The following PATL1 variants were observed in gnomAD, a reference collection of about 807,000 sequenced individuals.
PATL1 encodes the protein PAT1 homolog 1, processing body mRNA decay factor.
A neutral mutation model predicts 100.6 loss-of-function variants in PATL1; 32 were observed. That is an observed-to-expected ratio of 0.32 (90% CI 0.24 to 0.43). The LOEUF (loss-of-function observed/expected upper bound fraction) is 0.43, where lower values mean the gene tolerates loss of function less well. Ranked by LOEUF, PATL1 falls within the 20% of genes least tolerant of loss-of-function variation. PATL1 has a pLI of 1.00. For synonymous variants in PATL1, 332 were observed against 330.0 expected (o/e 1.01, Z -0.07); for missense variants, 747 against 949.9 (o/e 0.79, Z 2.81).
chr11:59,648,132 A>G (rs985718578), intron 14 of PATL1, among the ~76,000 whole-genome samples: 5 of 151,688 alleles, frequency 3.3e-5, no homozygotes, highest in African/African-American at 1.2e-4. Context: ...CACAAATTAT[A>G]TGGTTAAAAA....
At chr11:59,654,676 G>A (rs1479208837) in intron 8 of PATL1, among the ~76,000 whole-genome samples, 2 of 152,012 alleles carry the variant, frequency 1.3e-5, no homozygotes, top group African/African-American at 2.4e-5. Flanking sequence ...CTCTAAGTAG[G>A]TTTAACGTAC....
intron 4 of PATL1, 125 bp downstream of exon 4, chr11:59,658,741 G>C: frequency 1.5e-6 from 1 of 679,748 alleles, no homozygotes; most frequent in Non-Finnish European, 2.5e-6. Context: ...AGTGCTGGAT[G>C]CAGTAGTCGA....
chr11:59,658,813 A>G, intron 4 of PATL1, 53 bp downstream of exon 4: 1 of 1,386,396 alleles, frequency 7.2e-7, no homozygotes, highest in Non-Finnish European at 9.9e-7. Context: ...GACGACAGGA[A>G]CTTAAAATTT....
In PATL1 at chr11:59,638,071, T is replaced by C. The variant is rs552818310; in HGVS notation, c.*319A>G. 2.8e-6 allele frequency: 1 copy of C among 360,828 alleles called. No homozygotes were observed. Among genetic ancestry groups the C allele is most frequent in the South Asian group, 3.9e-5 (1 of 25,940 alleles). The allele number at this position is 360,828 out of a possible 1,614,324, so 22.4% of individuals were successfully genotyped here. ...TACAATCTACTCTGAGGTGGAGTAGTGGAGGGATAAAGGGAGAGATTACAC... is the reference window on the plus strand; with the variant it reads ...TACAATCTACTCTGAGGTGGAGTAGCGGAGGGATAAAGGGAGAGATTACAC... On this transcript the variant is annotated 3_prime_UTR_variant, in exon 19 of 19. Coordinates refer to ENST00000300146, the MANE Select transcript of PATL1 (RefSeq NM_152716.3).
chr11:59,659,215 G>A, intron 3 of PATL1, 37 bp downstream of exon 3: 1 of 1,518,656 alleles, frequency 6.6e-7, no homozygotes, highest in Non-Finnish European at 8.9e-7. Flanking sequence ...TTAATTTTTA[G>A]TCTGCTATAG....
At chr11:59,643,159 T>TGTC (rs1554983783) in intron 15 of PATL1, 124 bp from the exon 16 acceptor site, 33 of 1,008,452 alleles carry the variant, frequency 3.3e-5, no homozygotes, top group Non-Finnish European at 7.2e-6. Flanking sequence ...GTCTGGCAGA[T>TGTC]ATGACTAGAG....
chr11:59,652,964 A>G lies in PATL1; in HGVS notation c.1176T>C (p.His392=). The change falls in exon 10 of 19, where the codon CAT becomes CAC. Residue 392 remains histidine (H), a synonymous_variant. Coordinates refer to ENST00000300146, the MANE Select transcript of PATL1 (RefSeq NM_152716.3). ...AGDRGSHRSS[H]QDHLRKDPYA... is the part of the protein sequence containing the mutation. ...ATGGATCCTTTCGGAGATGATCTTG[A>G]TGACTGCTCCGGTGACTTCCTCTAT... 6.2e-7 allele frequency: 1 copy of G among 1,613,970 alleles called. No homozygotes were observed. Among genetic ancestry groups the G allele is most frequent in the Non-Finnish European group, 8.5e-7 (1 of 1,179,882 alleles).
At chr11:59,641,677 C>T (rs35285007) in intron 16 of PATL1, among the ~76,000 whole-genome samples, 2,163 of 151,952 alleles carry the variant, frequency 0.014, 21 homozygotes, top group Non-Finnish European at 0.025. Flanking sequence ...GGCTTGAGCC[C>T]AGGAGGCAGA....
At chr11:59,666,749 T>C in intron 2 of PATL1, 104 bp downstream of exon 2, 4 of 1,201,088 alleles carry the variant, frequency 3.3e-6, no homozygotes, top group South Asian at 1.6e-5. Context: ...TCTTGCCAAG[T>C]TAGTGAATAA....
chr11:59,647,808 G>A lies in PATL1; in HGVS notation c.1839C>T (p.Leu613=), dbSNP rs764012388. 9 of 1,613,970 alleles carry A rather than the reference G, an allele frequency of 5.6e-6. No homozygotes were observed. The highest frequency in any genetic ancestry group is 3.3e-5 in the Admixed American group (2 of 60,024). The change falls in exon 15 of 19, where the codon CTC becomes CTT. Residue 613 remains leucine (L), a synonymous_variant. Transcript: ENST00000300146. ...FLSTEQAADI[L]MTTARNLPFL... ...AAGGGAGGTTCCTGGCTGTTGTCAT[G>A]AGAATGTCAGCTGCTTGCTCTGTGG...
At chr11:59,662,453 T>C (rs1185560849) in intron 2 of PATL1, among the ~76,000 whole-genome samples, 9 of 152,152 alleles carry the variant, frequency 5.9e-5, no homozygotes, top group Admixed American at 5.9e-4. Flanking sequence ...GATAAGCCTA[T>C]CCTGATGTGC....
chr11:59,643,002 G>A lies in PATL1; in HGVS notation c.1927C>T (p.Leu643Phe). The change falls in exon 16 of 19, where the codon CTT (leucine) becomes TTT (phenylalanine). Residue 643 changes from leucine to phenylalanine, a missense_variant. This residue lies in a region of PATL1 where 434 missense variants were observed against 596.1 expected (regional missense o/e 0.73). Transcript: ENST00000300146. ...LPCLLSPFSL[L>F]LYHLPSVSIT... is the part of the protein sequence containing the mutation. ...CTCACTGATGGAAGATGATAGAGAAGGAGAGAGAAGGGACTCAGTAAGCAT... is the reference window on the plus strand; with the variant it reads ...CTCACTGATGGAAGATGATAGAGAAAGAGAGAGAAGGGACTCAGTAAGCAT... 1 of 1,613,954 alleles carries A rather than the reference G, an allele frequency of 6.2e-7. No individual in the cohort carries two copies.
intron 2 of PATL1, among the ~76,000 whole-genome samples, chr11:59,659,939 C>T (rs890852236): frequency 6.6e-6 from 1 of 152,128 alleles, no homozygotes; most frequent in Admixed American, 6.5e-5. Flanking sequence ...CTAAGGGACA[C>T]GTAAAGCATG....
chr11:59,657,823 CTTTT>C lies in PATL1; in HGVS notation c.427-103_427-100del, dbSNP rs1030532572. On this transcript the variant is annotated intron_variant, in intron 4 of 18. Coordinates refer to ENST00000300146, the MANE Select transcript of PATL1 (RefSeq NM_152716.3). ...AAAATACCTTAAGAAATTTTTTTAA[CTTTT>C]TATTTATTTTTAATTCACATATAGT... 8 of 934,116 alleles carry C rather than the reference CTTTT, an allele frequency of 8.6e-6. No individual in the cohort carries two copies. In the African/African-American group the frequency reaches 1.4e-4, roughly 16 times the overall value. The allele number at this position is 934,116 out of a possible 1,614,324, so 57.9% of individuals were successfully genotyped here.
chr11:59,657,051 G>T, intron 5 of PATL1: 6 of 976,920 alleles, frequency 6.1e-6, no homozygotes, highest in Non-Finnish European at 6.1e-6. Flanking sequence ...GCCTAACTAG[G>T]CCATACCAAC....
chr11:59,666,050 G>C (rs553969452), intron 2 of PATL1, among the ~76,000 whole-genome samples: 16 of 152,236 alleles, frequency 1.1e-4, no homozygotes, highest in African/African-American at 3.6e-4. Context: ...CACTTTGGGA[G>C]GCCGAGATGG....
chr11:59,658,601 G>A (rs1326844370), intron 4 of PATL1, among the ~76,000 whole-genome samples: 1 of 152,170 alleles, frequency 6.6e-6, no homozygotes, highest in East Asian at 1.9e-4. Context: ...GGGATTACAC[G>A]CGTGAGCCAC....
intron 16 of PATL1, 41 bp from the exon 17 acceptor site, chr11:59,639,424 C>G (rs1861243004): frequency 1.4e-6 from 2 of 1,444,102 alleles, no homozygotes; most frequent in Non-Finnish European, 1.9e-6. Flanking sequence ...AACACTGTGT[C>G]TAAACCTCCT....
intron 18 of PATL1, 124 bp downstream of exon 18, chr11:59,638,923 TC>T: frequency 9.2e-7 from 1 of 1,081,260 alleles, no homozygotes; most frequent in Non-Finnish European, 1.3e-6. Flanking sequence ...CCTCAAGTGA[TC>T]CACCCTCCTG....
Sources: gnomAD v4.1 joint callset for allele counts (sites outside exome capture counted in the v4.1 genomes callset) on GRCh38, gnomAD v4.1.1 for gene constraint, gnomAD v4.1.1 regional missense constraint, MANE v1.5 for transcripts, NCBI Gene and HGNC (gene_info 2026-07-23, HGNC 2026-07-21) for gene names.